Variants in ICAM2 observed in about 807,000 individuals in gnomAD.
ICAM2 encodes the protein ICAM-2.
Under a neutral mutation model 19.1 loss-of-function variants are expected in ICAM2, and 14 were observed. The observed-to-expected ratio is 0.73, with a 90% confidence interval of 0.48 to 1.15. The LOEUF (loss-of-function observed/expected upper bound fraction) is 1.15, where lower values mean the gene tolerates loss of function less well. Ranked by LOEUF, ICAM2 falls within the 50% of genes most tolerant of loss-of-function variation. The pLI is 0.00. For missense variants in ICAM2, 311 were observed against 355.4 expected, an observed-to-expected ratio of 0.88 and a Z score of 1.00; for synonymous variants, 153 against 152.7, an observed-to-expected ratio of 1.00 and a Z score of -0.01.
rs1295389314 is a variant in ICAM2, at chr17:64,002,707, C to T, written c.*40G>A. ...CAACCCTGAGGAGTCACACTGAGTTCCAGTGACCACCGTGGTGGTGGCCAT... is the reference window on the plus strand; with the variant it reads ...CAACCCTGAGGAGTCACACTGAGTTTCAGTGACCACCGTGGTGGTGGCCAT... On this transcript the variant is annotated 3_prime_UTR_variant, in exon 5 of 5. Transcript: ENST00000579788. 1.3e-6 allele frequency: 2 copies of T among 1,580,124 alleles called. No homozygotes were observed. The highest frequency in any genetic ancestry group is 1.7e-6 in the Non-Finnish European group (2 of 1,158,974).
In ICAM2 at chr17:64,005,280, C is replaced by T. The variant is rs770042804; in HGVS notation, c.155G>A (p.Cys52Tyr). The change falls in exon 3 of 5, where the codon TGT becomes TAT. Residue 52 changes from cysteine to tyrosine, a missense_variant. Physicochemically the swap from Cys to Tyr is radical, Grantham distance 194. Transcript: ENST00000579788. Reference protein sequence around the residue: ...GSLEVNCSTTCNQPEVGGLET... With the variant: ...GSLEVNCSTTYNQPEVGGLET... ...CAGACCACCCACTTCAGGCTGGTTA[C>T]AGGTGGTGCTGCAGTTGACCTCGAG... The T allele has an allele frequency of 1.2e-6, 2 of 1,614,176 alleles. No individual in the cohort carries two copies. The highest frequency in any genetic ancestry group is 1.1e-5 in the South Asian group (1 of 91,086).
chr17:64,014,732 A>C (rs1253376322), intron 1 of ICAM2, among the ~76,000 whole-genome samples: 18 of 70,624 alleles, frequency 2.5e-4, no homozygotes, highest in African/African-American at 7.7e-4. Context: ...GAAGAAAGAA[A>C]GAAAGAAAGA....
chr17:64,003,080 TG>T (rs1910913405), intron 4 of ICAM2, 155 bp from the exon 5 acceptor site: 2 of 616,842 alleles, frequency 3.2e-6, no homozygotes, highest in South Asian at 4.2e-5. Flanking sequence ...GAGTGGTGAA[TG>T]GTGTCTGCAT....
intron 1 of ICAM2, among the ~76,000 whole-genome samples, chr17:64,014,374 A>AG (rs1435581038): frequency 1.7e-4 from 10 of 57,858 alleles, no homozygotes; most frequent in African/African-American, 5.6e-4. Context: ...AAAGAAAGAA[A>AG]GAAAGGAAGG....
At chr17:64,019,591 G>A (rs553443454) in intron 1 of ICAM2, among the ~76,000 whole-genome samples, 188 of 152,080 alleles carry the variant, frequency 1.2e-3, no homozygotes, top group Non-Finnish European at 2.3e-3. Context: ...CGAGGTGGGC[G>A]GATCATGAGG....
At chr17:64,017,218 A>G (rs1410461382) in intron 1 of ICAM2, among the ~76,000 whole-genome samples, 2 of 152,228 alleles carry the variant, frequency 1.3e-5, no homozygotes, top group Non-Finnish European at 1.5e-5. Context: ...AATCCAAAAG[A>G]ATCATCAGGC....
At position 64,003,929 on chromosome 17, in the gene ICAM2, T is replaced by C. The variant is rs760993064; in HGVS notation, c.364A>G (p.Thr122Ala). The stretch of plus-strand genomic sequence containing the variant: ...AAGGACTTGCCCACAGCCACCAAAG[T>C]GGGTTGCAGTGTCAGGATGACCTGC... ...PRQVILTLQP[T>A]LVAVGKSFTI... Residue 122 changes from threonine (T) to alanine (A), a missense_variant, in exon 4 of 5, where the codon ACT becomes GCT. Physicochemically the swap from Thr to Ala is moderately conservative, Grantham distance 58. Coordinates refer to ENST00000579788, the MANE Select transcript of ICAM2 (RefSeq NM_001099789.2). The C allele has an allele frequency of 1.4e-5, 22 of 1,613,536 alleles. No individual in the cohort carries two copies. Among genetic ancestry groups the C allele is most frequent in the Non-Finnish European group, 1.9e-5 (22 of 1,179,826 alleles).
At chr17:64,020,291 G>A (rs1911896837) in intron 1 of ICAM2, 3 of 152,308 alleles carry the variant, frequency 2.0e-5, no homozygotes, top group Admixed American at 6.5e-5. Flanking sequence ...ATCAGGAAAG[G>A]AGCGCCAGGG....
At chr17:64,016,220 C>G (rs1032641088) in intron 1 of ICAM2, among the ~76,000 whole-genome samples, 1 of 152,148 alleles carries the variant, frequency 6.6e-6, no homozygotes, top group Non-Finnish European at 1.5e-5. Flanking sequence ...GCATCACATT[C>G]TAGTTGGGTT....
chr17:64,013,634 A>G (rs1280751619), intron 1 of ICAM2, among the ~76,000 whole-genome samples: 1 of 152,210 alleles, frequency 6.6e-6, no homozygotes, highest in Non-Finnish European at 1.5e-5. Flanking sequence ...CTAGGCAAAC[A>G]CCAAAAGAAA....
chr17:64,011,770 G>A (rs59279610), intron 1 of ICAM2, among the ~76,000 whole-genome samples: 2,306 of 152,184 alleles, frequency 0.015, 60 homozygotes, highest in African/African-American at 0.052. Context: ...AAAGAGATAC[G>A]TGTTGATGAG....
intron 1 of ICAM2, among the ~76,000 whole-genome samples, chr17:64,016,791 C>CTAAG (rs1911735086): frequency 6.6e-6 from 1 of 152,222 alleles, no homozygotes; most frequent in South Asian, 2.1e-4. Flanking sequence ...CTATCTGAAT[C>CTAAG]TAAGTCCTTG....
At chr17:64,009,366 C>A (rs1374749549) in intron 1 of ICAM2, among the ~76,000 whole-genome samples, 1 of 151,832 alleles carries the variant, frequency 6.6e-6, no homozygotes, top group African/African-American at 2.4e-5. Context: ...TTCCCAAGTC[C>A]ACAAGGCTGA....
chr17:64,010,081 C>T (rs1911389651), intron 1 of ICAM2, among the ~76,000 whole-genome samples: 1 of 152,154 alleles, frequency 6.6e-6, no homozygotes, highest in Non-Finnish European at 1.5e-5. Flanking sequence ...AAATCCCAGC[C>T]CAGAACTCTT....
chr17:64,018,163 C>T (rs935498999), intron 1 of ICAM2, among the ~76,000 whole-genome samples: 66 of 151,842 alleles, frequency 4.3e-4, no homozygotes, highest in African/African-American at 1.5e-3. Context: ...GAAACCCCAT[C>T]GCTACTGAAA....
chr17:64,013,132 G>A (rs1911521214), intron 1 of ICAM2, among the ~76,000 whole-genome samples: 1 of 152,118 alleles, frequency 6.6e-6, no homozygotes, highest in Non-Finnish European at 1.5e-5. Flanking sequence ...GGCCAACATG[G>A]TGAAACCACT....
At chr17:64,018,870 C>T (rs1156648079) in intron 1 of ICAM2, among the ~76,000 whole-genome samples, 4 of 151,778 alleles carry the variant, frequency 2.6e-5, no homozygotes, top group Admixed American at 6.6e-5. Flanking sequence ...TACAGGCGTA[C>T]GCCACCACAC....
Position 64,002,852 on chromosome 17 carries a change from A to G in ICAM2, c.723T>C (p.Ser241=). 1 of 1,614,034 alleles carries G rather than the reference A, an allele frequency of 6.2e-7. No homozygotes were observed. Among genetic ancestry groups the G allele is most frequent in the South Asian group, 1.1e-5 (1 of 91,082 alleles). The change falls in exon 5 of 5, where the codon TCT becomes TCC. Residue 241 remains serine, a synonymous_variant. Coordinates refer to ENST00000579788, the MANE Select transcript of ICAM2 (RefSeq NM_001099789.2). ...GGCCGAAGATGAAGCAGAGCAGGAC[A>G]GATGTCACGAACAGGGACAGCAACA... ...VSVLLSLFVT[S]VLLCFIFGQH... is the part of the protein sequence containing the mutation.
intron 1 of ICAM2, among the ~76,000 whole-genome samples, chr17:64,014,492 AAAGG>A (rs1162322974): frequency 8.8e-5 from 13 of 147,764 alleles, no homozygotes; most frequent in South Asian, 4.4e-4. Context: ...AGAAAGAAAG[AAAGG>A]AAGGAAGGAA....
Sources: allele counts gnomAD v4.1 joint callset (sites outside exome capture counted in the v4.1 genomes callset), GRCh38; gene constraint gnomAD v4.1.1; transcripts MANE v1.5; gene names NCBI Gene and HGNC (gene_info 2026-07-23, HGNC 2026-07-21).